Variants in CDC14B observed in about 807,000 individuals in gnomAD.
CDC14B encodes cell division cycle 14B.
Under a neutral mutation model 64.2 loss-of-function variants are expected in CDC14B, and 22 were observed. The ratio of observed to expected loss-of-function variants is 0.34; its 90% CI spans 0.24 to 0.49. CDC14B has a LOEUF of 0.49. Ranked by LOEUF, CDC14B falls within the 20% of genes least tolerant of loss-of-function variation. CDC14B has a pLI of 0.99. For synonymous variants in CDC14B, 191 were observed against 215.8 expected, an observed-to-expected ratio of 0.89 and a Z score of 1.01; for missense variants, 498 against 629.9, an observed-to-expected ratio of 0.79 and a Z score of 2.24.
At chr9:96,523,027 T>C (rs1836983510) in intron 11 of CDC14B, among the ~76,000 whole-genome samples, 1 of 151,974 alleles carries the variant, frequency 6.6e-6, no homozygotes. Context: ...GCTGAAGAGC[T>C]CACTTCACAA....
intron 4 of CDC14B, among the ~76,000 whole-genome samples, chr9:96,553,890 G>C (rs1009055731): frequency 1.3e-5 from 2 of 151,986 alleles, no homozygotes; most frequent in Non-Finnish European, 2.9e-5. Flanking sequence ...AACCGGAAGG[G>C]TGCGGTGGCT....
intron 12 of CDC14B, among the ~76,000 whole-genome samples, chr9:96,513,835 A>G (rs1835242908): frequency 2.6e-5 from 4 of 152,188 alleles, no homozygotes; most frequent in Admixed American, 2.6e-4. Context: ...GTTATGGCCT[A>G]ATTCTCCAGG....
intron 1 of CDC14B, chr9:96,567,180 G>A (rs1844125118): frequency 3.1e-6 from 1 of 324,556 alleles, no homozygotes; most frequent in Non-Finnish European, 5.8e-6. Context: ...GGGGACATGC[G>A]TCAGAGGCCA....
At chr9:96,611,406 G>T (rs531918036) in intron 1 of CDC14B, among the ~76,000 whole-genome samples, 33 of 152,258 alleles carry the variant, frequency 2.2e-4, no homozygotes, top group African/African-American at 7.9e-4. Flanking sequence ...CAACAACTCC[G>T]CACCTACTTA....
chr9:96,565,173 T>C (rs1843735539), intron 2 of CDC14B, among the ~76,000 whole-genome samples: 1 of 152,010 alleles, frequency 6.6e-6, no homozygotes. Flanking sequence ...TTATATCTCA[T>C]TGTAGTGTAA....
chr9:96,532,780 C>T (rs1044498497), intron 9 of CDC14B, among the ~76,000 whole-genome samples: 3 of 152,170 alleles, frequency 2.0e-5, no homozygotes, highest in African/African-American at 7.2e-5. Flanking sequence ...AGTTTTAGTA[C>T]ATTTCCAGAA....
intron 3 of CDC14B, among the ~76,000 whole-genome samples, chr9:96,563,752 A>G (rs569066560): frequency 1.9e-3 from 292 of 152,252 alleles, no homozygotes; most frequent in Non-Finnish European, 3.4e-3. Flanking sequence ...AGTACAGGAA[A>G]AAAATTTTTT....
intron 1 of CDC14B, among the ~76,000 whole-genome samples, chr9:96,600,240 T>TTA (rs376489232): frequency 0.048 from 7,097 of 147,876 alleles, 475 homozygotes; most frequent in African/African-American, 0.15. Flanking sequence ...ACCAAAAAAA[T>TTA]TATATATATA....
intron 5 of CDC14B, among the ~76,000 whole-genome samples, chr9:96,546,282 T>C (rs1840817831): frequency 6.6e-6 from 1 of 152,036 alleles, no homozygotes; most frequent in African/African-American, 2.4e-5. Flanking sequence ...AGACATTACA[T>C]ATGTGAAATC....
intron 5 of CDC14B, among the ~76,000 whole-genome samples, chr9:96,550,550 C>T (rs531696437): frequency 6.6e-6 from 1 of 152,302 alleles, no homozygotes; most frequent in Admixed American, 6.5e-5. Flanking sequence ...GTTTATGTAA[C>T]AATCCTAATA....
chr9:96,612,861 T>C (rs1420849271), intron 1 of CDC14B, among the ~76,000 whole-genome samples: 2 of 152,224 alleles, frequency 1.3e-5, no homozygotes, highest in Non-Finnish European at 2.9e-5. Context: ...ATTTGTTGAA[T>C]GAATAAAATA....
intron 12 of CDC14B, among the ~76,000 whole-genome samples, chr9:96,516,245 T>C (rs1835641003): frequency 6.6e-6 from 1 of 152,110 alleles, no homozygotes; most frequent in African/African-American, 2.4e-5. Context: ...AAAATGAACG[T>C]AATACAGCAG....
At chr9:96,547,144 A>G (rs1458987543) in intron 5 of CDC14B, among the ~76,000 whole-genome samples, 1 of 151,860 alleles carries the variant, frequency 6.6e-6, no homozygotes, top group African/African-American at 2.4e-5. Flanking sequence ...GCCAGGTACT[A>G]TATCAAGTGT....
At chr9:96,608,923 ACACG>A (rs1340252144) in intron 1 of CDC14B, among the ~76,000 whole-genome samples, 1 of 150,668 alleles carries the variant, frequency 6.6e-6, no homozygotes, top group African/African-American at 2.5e-5. Flanking sequence ...ACACACACAC[ACACG>A]AAAAGACACA....
intron 1 of CDC14B, among the ~76,000 whole-genome samples, chr9:96,574,697 C>CAAAAAAAAAAAAAAAAAA (rs57056796): frequency 3.0e-4 from 15 of 49,958 alleles, no homozygotes; most frequent in African/African-American, 1.2e-3. Flanking sequence ...CTCGGTCTCA[C>CAAAAAAAAAAAAAAAAAA]AAAAAAAAAA....
At chr9:96,599,357 G>A (rs1220237253) in intron 1 of CDC14B, among the ~76,000 whole-genome samples, 1 of 151,712 alleles carries the variant, frequency 6.6e-6, no homozygotes, top group East Asian at 1.9e-4. Flanking sequence ...CTCCAGCCTG[G>A]GCAACAAGAG....
At chr9:96,597,007 G>A (rs1308889127) in intron 1 of CDC14B, among the ~76,000 whole-genome samples, 2 of 152,248 alleles carry the variant, frequency 1.3e-5, no homozygotes, top group East Asian at 3.9e-4. Flanking sequence ...GATGAATTCT[G>A]TAAGCACACA....
chr9:96,525,449 T>C lies in CDC14B; in HGVS notation c.947-1724A>G, dbSNP rs1453155032. On this transcript the variant is annotated intron_variant, in intron 9 of 13. Coordinates refer to ENST00000375241, the MANE Select transcript of CDC14B (RefSeq NM_033331.4). ...GCCACTGCCACCGAGACACAGAGTA[T>C]ATAAGCTCAGGGAAGGCCTGCCTAC... 6.6e-5 allele frequency among the ~76,000 whole-genome samples: 10 copies of C among 151,848 alleles called. No homozygotes were observed. In the South Asian group the frequency reaches 1.7e-3, roughly 25 times the overall value.
chr9:96,533,787 C>G (rs1367413274), intron 9 of CDC14B, 140 bp downstream of exon 9: 1 of 555,744 alleles, frequency 1.8e-6, no homozygotes, highest in Non-Finnish European at 3.2e-6. Context: ...TACTTTTCAT[C>G]TGAAATCAAA....
Sources: gnomAD v4.1 joint callset for allele counts (sites outside exome capture counted in the v4.1 genomes callset) on GRCh38, gnomAD v4.1.1 for gene constraint, MANE v1.5 for transcripts, NCBI Gene and HGNC (gene_info 2026-07-23, HGNC 2026-07-21) for gene names.